EPHA6: variants seen among roughly 807,000 people sequenced by gnomAD.
EPHA6 encodes the protein EPH receptor A6.
In EPHA6, 50 loss-of-function variants were observed where a neutral mutation model predicts 112.0. That is an observed-to-expected ratio of 0.45 (90% confidence interval 0.36 to 0.56). The LOEUF (loss-of-function observed/expected upper bound fraction) is 0.56. Ranked by LOEUF, EPHA6 falls within the 20% of genes least tolerant of loss-of-function variation. The pLI, the probability that EPHA6 is intolerant of heterozygous loss-of-function variation, is 0.00. For missense variants in EPHA6, 1,280 were observed against 1,417.4 expected, an observed-to-expected ratio of 0.90 and a Z score of 1.56; for synonymous variants, 529 against 490.7, an observed-to-expected ratio of 1.08 and a Z score of -1.03.
chr3:97,494,258 G>C (rs1052882312), intron 10 of EPHA6, among the ~76,000 whole-genome samples: 1 of 152,064 alleles, frequency 6.6e-6, no homozygotes, highest in Non-Finnish European at 1.5e-5. Flanking sequence ...TCATAAATAG[G>C]GTTTCTTCCC....
At chr3:97,525,445 T>C (rs1351356301) in intron 10 of EPHA6, among the ~76,000 whole-genome samples, 8 of 152,206 alleles carry the variant, frequency 5.3e-5, no homozygotes, top group African/African-American at 1.7e-4. Context: ...TCTTTGAGCT[T>C]CTTGAAGATG....
chr3:97,217,247 A>C (rs1460171320), intron 3 of EPHA6, among the ~76,000 whole-genome samples: 1 of 152,128 alleles, frequency 6.6e-6, no homozygotes, highest in Non-Finnish European at 1.5e-5. Context: ...CCAAAAGACA[A>C]CTCCAGAGAG....
At chr3:97,568,341 A>G (rs2093293920) in intron 11 of EPHA6, among the ~76,000 whole-genome samples, 1 of 152,178 alleles carries the variant, frequency 6.6e-6, no homozygotes, top group Admixed American at 6.5e-5. Flanking sequence ...CTGCCGTAGG[A>G]GTGATCTTTA....
chr3:97,544,078 T>A (rs1288627942), intron 11 of EPHA6, among the ~76,000 whole-genome samples: 1 of 152,160 alleles, frequency 6.6e-6, no homozygotes. Context: ...TTGAATACCC[T>A]TTATTTCCTT....
intron 2 of EPHA6, among the ~76,000 whole-genome samples, chr3:96,977,277 A>T (rs1166752629): frequency 6.6e-6 from 1 of 152,212 alleles, no homozygotes; most frequent in Non-Finnish European, 1.5e-5. Context: ...AGAAAGACAA[A>T]TACTGCATGT....
intron 11 of EPHA6, among the ~76,000 whole-genome samples, chr3:97,533,998 T>C (rs2092726782): frequency 6.6e-6 from 1 of 152,110 alleles, no homozygotes; most frequent in African/African-American, 2.4e-5. Context: ...GATTAAATGG[T>C]TGTTGTTTTA....
chr3:97,585,277 G>A (rs916828483), intron 11 of EPHA6, among the ~76,000 whole-genome samples: 7 of 152,202 alleles, frequency 4.6e-5, no homozygotes, highest in Admixed American at 6.5e-5. Context: ...TTAAAAAGTC[G>A]AAGAACTTCT....
chr3:97,118,108 T>A (rs2047944261), intron 3 of EPHA6, among the ~76,000 whole-genome samples: 1 of 151,848 alleles, frequency 6.6e-6, no homozygotes, highest in Admixed American at 6.6e-5. Flanking sequence ...AATCATTAAA[T>A]GATTATATTT....
At chr3:97,092,758 T>C (rs1180765571) in intron 3 of EPHA6, among the ~76,000 whole-genome samples, 1 of 152,070 alleles carries the variant, frequency 6.6e-6, no homozygotes, top group African/African-American at 2.4e-5. Flanking sequence ...GGAGAACATA[T>C]ATGAGTCAAC....
chr3:97,470,180 C>T (rs954200970), intron 7 of EPHA6, among the ~76,000 whole-genome samples: 4 of 151,618 alleles, frequency 2.6e-5, no homozygotes, highest in African/African-American at 9.7e-5. Flanking sequence ...TAAAGTTAAG[C>T]CAATTCTGAT....
At chr3:97,365,361 T>C (rs2084655580) in intron 5 of EPHA6, among the ~76,000 whole-genome samples, 1 of 152,072 alleles carries the variant, frequency 6.6e-6, no homozygotes, top group Non-Finnish European at 1.5e-5. Context: ...ATTAGCAAAA[T>C]GTTTAAAATA....
chr3:96,980,165 TA>T (rs1253795414), intron 2 of EPHA6, among the ~76,000 whole-genome samples: 2 of 152,212 alleles, frequency 1.3e-5, no homozygotes, highest in Non-Finnish European at 2.9e-5. Context: ...GGTTTTCTTC[TA>T]GGGTTTTTAT....
intron 3 of EPHA6, among the ~76,000 whole-genome samples, chr3:97,152,814 A>C (rs981364927): frequency 6.6e-6 from 1 of 152,142 alleles, no homozygotes; most frequent in Non-Finnish European, 1.5e-5. Context: ...ATGTGAGACA[A>C]AGACAGGGAA....
At chr3:97,276,680 T>C (rs1470002276) in intron 5 of EPHA6, among the ~76,000 whole-genome samples, 1 of 152,072 alleles carries the variant, frequency 6.6e-6, no homozygotes. Context: ...GATTGGGTAA[T>C]AAAATGTATA....
At chr3:97,116,527 A>G (rs928285024) in intron 3 of EPHA6, among the ~76,000 whole-genome samples, 2 of 151,718 alleles carry the variant, frequency 1.3e-5, no homozygotes, top group African/African-American at 2.4e-5. Context: ...TGGGAACCAC[A>G]TTATATTCTC....
chr3:97,011,995 T>C (rs1328163503), intron 3 of EPHA6, among the ~76,000 whole-genome samples: 1 of 152,182 alleles, frequency 6.6e-6, no homozygotes, highest in African/African-American at 2.4e-5. Flanking sequence ...TTTCTTTCTC[T>C]TTTTTGTGGC....
intron 3 of EPHA6, among the ~76,000 whole-genome samples, chr3:97,019,815 T>G (rs2044390540): frequency 6.6e-6 from 1 of 152,138 alleles, no homozygotes; most frequent in African/African-American, 2.4e-5. Flanking sequence ...AACATATACA[T>G]AATTATTATA....
chr3:97,244,743 G>A (rs1327928457), intron 5 of EPHA6: 1 of 163,630 alleles, frequency 6.1e-6, no homozygotes, highest in Non-Finnish European at 1.3e-5. Flanking sequence ...TAATATATTT[G>A]TGTTCCACTC....
At chr3:97,692,238 C>T (rs2032717970) in intron 14 of EPHA6, among the ~76,000 whole-genome samples, 1 of 151,968 alleles carries the variant, frequency 6.6e-6, no homozygotes, top group African/African-American at 2.4e-5. Context: ...TCTGTCTTTT[C>T]TTTTTCTGTT....
Sources: allele counts gnomAD v4.1 joint callset (sites outside exome capture counted in the v4.1 genomes callset), GRCh38; gene constraint gnomAD v4.1.1; transcripts MANE v1.5; gene names NCBI Gene and HGNC (gene_info 2026-07-23, HGNC 2026-07-21).